Variants in TMEM132C observed in about 807,000 individuals in gnomAD.
The protein encoded by TMEM132C is protein phosphatase 1, regulatory subunit 152.
A neutral mutation model predicts 61.4 loss-of-function variants in TMEM132C; 29 were observed. The observed-to-expected ratio is 0.47, with a 90% confidence interval of 0.35 to 0.64. The LOEUF (loss-of-function observed/expected upper bound fraction) is 0.64. TMEM132C is among the 30% of genes least tolerant of loss of function. TMEM132C has a pLI of 0.00. For synonymous variants in TMEM132C, 656 were observed against 633.1 expected (o/e 1.04, Z -0.54); for missense variants, 1,408 against 1,476.9 (o/e 0.95, Z 0.76).
chr12:128,537,431 G>A (rs552347139), intron 2 of TMEM132C, among the ~76,000 whole-genome samples: 3 of 152,298 alleles, frequency 2.0e-5, no homozygotes, highest in African/African-American at 7.2e-5. Flanking sequence ...ATCATAGCCA[G>A]GAACTCAGTT....
intron 2 of TMEM132C, among the ~76,000 whole-genome samples, chr12:128,418,897 T>A (rs907966822): frequency 2.6e-4 from 40 of 152,334 alleles, no homozygotes; most frequent in African/African-American, 9.1e-4. Flanking sequence ...CTCCTGTATT[T>A]TTTTATTTTA....
intron 1 of TMEM132C, among the ~76,000 whole-genome samples, chr12:128,269,445 G>A (rs917475144): frequency 2.6e-5 from 4 of 151,702 alleles, no homozygotes; most frequent in Admixed American, 1.3e-4. Context: ...AGTGCTGGGG[G>A]CAGTGATTTG....
At chr12:128,696,619 T>C (rs1954767077) in intron 7 of TMEM132C, among the ~76,000 whole-genome samples, 1 of 152,328 alleles carries the variant, frequency 6.6e-6, no homozygotes, top group Non-Finnish European at 1.5e-5. Flanking sequence ...AATTTCATGA[T>C]GGGGCATGAA....
At chr12:128,530,115 TG>T (rs1873234452) in intron 2 of TMEM132C, among the ~76,000 whole-genome samples, 1 of 99,696 alleles carries the variant, frequency 1.0e-5, no homozygotes. Flanking sequence ...TGGGCGGGGG[TG>T]GGAAGAGTGG....
At chr12:128,359,248 A>G (rs1161108456) in intron 1 of TMEM132C, among the ~76,000 whole-genome samples, 3 of 152,216 alleles carry the variant, frequency 2.0e-5, no homozygotes, top group Non-Finnish European at 4.4e-5. Flanking sequence ...TAATTGCCTC[A>G]CAGTTCCTCA....
intron 1 of TMEM132C, among the ~76,000 whole-genome samples, chr12:128,267,713 C>T (rs1392541855): frequency 6.6e-6 from 1 of 152,178 alleles, no homozygotes; most frequent in Non-Finnish European, 1.5e-5. Flanking sequence ...AGTCCCGAAT[C>T]TCCCACCCCG....
intron 3 of TMEM132C, among the ~76,000 whole-genome samples, chr12:128,559,152 CACAT>C (rs1464187345): frequency 2.0e-5 from 3 of 150,854 alleles, no homozygotes; most frequent in Admixed American, 1.3e-4. Context: ...CACACACAAA[CACAT>C]ACACACACAA....
intron 3 of TMEM132C, among the ~76,000 whole-genome samples, chr12:128,602,847 T>G (rs1876245803): frequency 6.6e-6 from 1 of 152,228 alleles, no homozygotes; most frequent in Non-Finnish European, 1.5e-5. Context: ...CTGATCTACC[T>G]CTGCCACATG....
At chr12:128,427,654 C>T (rs1878734) in intron 2 of TMEM132C, among the ~76,000 whole-genome samples, 65,361 of 151,676 alleles carry the variant, frequency 0.43, 14,661 homozygotes, top group South Asian at 0.53. Flanking sequence ...GTTAGGTGAA[C>T]GCACATCCAC....
At chr12:128,580,906 T>C (rs1849516276) in intron 3 of TMEM132C, among the ~76,000 whole-genome samples, 1 of 152,140 alleles carries the variant, frequency 6.6e-6, no homozygotes, top group African/African-American at 2.4e-5. Context: ...CCTGCTAGGA[T>C]ATTTAGTGGC....
chr12:128,322,183 C>T (rs1398371515), intron 1 of TMEM132C, among the ~76,000 whole-genome samples: 1 of 152,224 alleles, frequency 6.6e-6, no homozygotes. Flanking sequence ...GGGTTGCTTG[C>T]CCTTGGAACC....
At chr12:128,584,029 T>C (rs1184888657) in intron 3 of TMEM132C, among the ~76,000 whole-genome samples, 3 of 152,190 alleles carry the variant, frequency 2.0e-5, no homozygotes, top group Non-Finnish European at 4.4e-5. Context: ...GCTGTGCATT[T>C]CAGGTATTTT....
At chr12:128,598,616 C>A (rs765825006) in intron 3 of TMEM132C, among the ~76,000 whole-genome samples, 8 of 152,112 alleles carry the variant, frequency 5.3e-5, no homozygotes, top group Non-Finnish European at 8.8e-5. Flanking sequence ...AGTCTCTTCA[C>A]TCCCAATGGC....
chr12:128,623,900 G>C (rs1438976251), intron 4 of TMEM132C, among the ~76,000 whole-genome samples: 3 of 152,098 alleles, frequency 2.0e-5, no homozygotes, highest in Non-Finnish European at 4.4e-5. Flanking sequence ...GAAGACGAAA[G>C]TGAAAAGAGT....
chr12:128,435,948 G>C (rs1389054346), intron 2 of TMEM132C, among the ~76,000 whole-genome samples: 1 of 152,156 alleles, frequency 6.6e-6, no homozygotes, highest in African/African-American at 2.4e-5. Context: ...ACTCAAATCA[G>C]AGATATAGAC....
intron 3 of TMEM132C, among the ~76,000 whole-genome samples, chr12:128,596,395 A>G (rs1875952272): frequency 6.8e-6 from 1 of 147,470 alleles, no homozygotes; most frequent in African/African-American, 2.6e-5. Flanking sequence ...GGCTTGACTG[A>G]TCCCGTGTTT....
At chr12:128,332,886 G>T (rs1422541502) in intron 1 of TMEM132C, among the ~76,000 whole-genome samples, 1 of 152,194 alleles carries the variant, frequency 6.6e-6, no homozygotes, top group African/African-American at 2.4e-5. Flanking sequence ...TCTGCCTAGT[G>T]GCCCTGTAGA....
intron 3 of TMEM132C, among the ~76,000 whole-genome samples, chr12:128,567,817 C>A (rs1422449380): frequency 1.3e-5 from 2 of 152,218 alleles, no homozygotes; most frequent in South Asian, 4.1e-4. Flanking sequence ...GACGACCAGT[C>A]TGATGTGAAG....
chr12:128,406,278 A>G (rs890997580), intron 1 of TMEM132C, among the ~76,000 whole-genome samples: 2 of 152,124 alleles, frequency 1.3e-5, no homozygotes, highest in Admixed American at 1.3e-4. Context: ...GGCTTGCTTC[A>G]TGTTTGGGCT....
Sources: gnomAD v4.1 joint callset for allele counts (sites outside exome capture counted in the v4.1 genomes callset) on GRCh38, gnomAD v4.1.1 for gene constraint, MANE v1.5 for transcripts, NCBI Gene and HGNC (gene_info 2026-07-23, HGNC 2026-07-21) for gene names.